The following CTNNA1 variants were observed in gnomAD, a reference collection of about 807,000 sequenced individuals.
CTNNA1 encodes catenin alpha-1.
Under a neutral mutation model 98.4 loss-of-function variants are expected in CTNNA1, and 37 were observed. That is an observed-to-expected ratio of 0.38 (90% CI 0.29 to 0.49). The LOEUF (loss-of-function observed/expected upper bound fraction) is 0.49, where lower values mean the gene tolerates loss of function less well. CTNNA1 is among the 20% of genes least tolerant of loss of function. The pLI, the probability that CTNNA1 is intolerant of heterozygous loss-of-function variation, is 0.95. For missense variants in CTNNA1, 761 were observed against 1,147.2 expected (o/e 0.66, Z 4.86); for synonymous variants, 404 against 413.2 (o/e 0.98, Z 0.27).
intron 13 of CTNNA1, 113 bp from the exon 14 acceptor site, chr5:138,929,133 C>A (rs773434799): frequency 2.3e-5 from 18 of 767,534 alleles, no homozygotes; most frequent in Non-Finnish European, 4.1e-5. Context: ...CAGAACACTG[C>A]ACATTAAAAT....
At chr5:138,805,618 G>A (rs1401653916) in intron 3 of CTNNA1, among the ~76,000 whole-genome samples, 1 of 151,546 alleles carries the variant, frequency 6.6e-6, no homozygotes, top group Non-Finnish European at 1.5e-5. Context: ...ATTTTTGTTT[G>A]TTTGTTTGTT....
chr5:138,835,933 C>T (rs544625289), intron 7 of CTNNA1, among the ~76,000 whole-genome samples: 6 of 152,212 alleles, frequency 3.9e-5, no homozygotes, highest in Admixed American at 1.3e-4. Context: ...GCAACCTCTG[C>T]GTCCCTGATT....
At chr5:138,907,799 C>T (rs1220020212) in intron 10 of CTNNA1, among the ~76,000 whole-genome samples, 1 of 152,106 alleles carries the variant, frequency 6.6e-6, no homozygotes, top group Admixed American at 6.5e-5. Context: ...AAGAGGTGCT[C>T]AGTGCTTCTA....
intron 1 of CTNNA1, among the ~76,000 whole-genome samples, chr5:138,775,656 T>G (rs902369827): frequency 6.6e-6 from 1 of 152,124 alleles, no homozygotes; most frequent in Non-Finnish European, 1.5e-5. Flanking sequence ...TCAACACAAT[T>G]TCAGTCCAGA....
intron 11 of CTNNA1, among the ~76,000 whole-genome samples, chr5:138,918,972 C>T (rs1473700857): frequency 6.6e-6 from 1 of 152,176 alleles, no homozygotes; most frequent in Non-Finnish European, 1.5e-5. Context: ...ATACCAATGC[C>T]TCCCTGTCTT....
chr5:138,824,436 A>G, intron 5 of CTNNA1, 94 bp from the exon 6 acceptor site: 3 of 1,348,354 alleles, frequency 2.2e-6, no homozygotes, highest in Non-Finnish European at 3.0e-6. Flanking sequence ...TAATTAATAG[A>G]AATTCTAACT....
chr5:138,758,018 T>G (rs918426786), intron 1 of CTNNA1, among the ~76,000 whole-genome samples: 4 of 152,004 alleles, frequency 2.6e-5, no homozygotes, highest in Non-Finnish European at 5.9e-5. Flanking sequence ...TATTTCTTTT[T>G]TTTTTGAGAT....
At chr5:138,927,859 G>T (rs1764469326) in intron 13 of CTNNA1, among the ~76,000 whole-genome samples, 1 of 152,116 alleles carries the variant, frequency 6.6e-6, no homozygotes, top group African/African-American at 2.4e-5. Flanking sequence ...CTGATTGATT[G>T]CATGCCAGTC....
At chr5:138,829,509 A>G (rs1761053286) in intron 7 of CTNNA1, among the ~76,000 whole-genome samples, 2 of 152,338 alleles carry the variant, frequency 1.3e-5, no homozygotes, top group Middle Eastern at 3.4e-3. Context: ...TAATCAGTCT[A>G]TAAGATATCC....
At chr5:138,878,836 G>A (rs1752231056) in intron 7 of CTNNA1, among the ~76,000 whole-genome samples, 2 of 152,116 alleles carry the variant, frequency 1.3e-5, no homozygotes, top group South Asian at 4.2e-4. Context: ...TGTATGCCCT[G>A]GCACCAAAGT....
intron 1 of CTNNA1, among the ~76,000 whole-genome samples, chr5:138,779,748 C>T (rs1754839618): frequency 6.7e-6 from 1 of 148,842 alleles, no homozygotes; most frequent in Non-Finnish European, 1.5e-5. Flanking sequence ...CAAGAGCTTG[C>T]TCTGTTGCCC....
At chr5:138,899,809 A>G (rs1010310097) in intron 9 of CTNNA1, among the ~76,000 whole-genome samples, 2 of 152,210 alleles carry the variant, frequency 1.3e-5, no homozygotes, top group African/African-American at 4.8e-5. Context: ...GCTCTGCATT[A>G]AAAATTGAAA....
At chr5:138,768,558 G>GTTTTTTTTTTTTTTTTTTTTTTTTT (rs36038829) in intron 1 of CTNNA1, among the ~76,000 whole-genome samples, 1 of 67,556 alleles carries the variant, frequency 1.5e-5, no homozygotes, top group African/African-American at 5.0e-5. Flanking sequence ...AACGGTGTCT[G>GTTTTTTTTTTTTTTTTTTTTTTTTT]TTTTTTTTTT....
At chr5:138,866,048 C>T (rs1003779750) in intron 7 of CTNNA1, among the ~76,000 whole-genome samples, 9 of 152,100 alleles carry the variant, frequency 5.9e-5, no homozygotes, top group African/African-American at 1.4e-4. Context: ...TGGTGGCGAA[C>T]GCCTGTAATC....
At chr5:138,916,366 A>G (rs1345842322) in intron 10 of CTNNA1, among the ~76,000 whole-genome samples, 1 of 151,882 alleles carries the variant, frequency 6.6e-6, no homozygotes, top group African/African-American at 2.4e-5. Context: ...TAGATAGGTG[A>G]ATTTTATCTC....
chr5:138,880,094 T>C (rs1752565180), intron 7 of CTNNA1: 1 of 152,218 alleles, frequency 6.6e-6, no homozygotes, highest in Non-Finnish European at 1.5e-5. Context: ...TGAACGTTTA[T>C]ACTATTAAGA....
chr5:138,824,476 G>T, intron 5 of CTNNA1, 54 bp from the exon 6 acceptor site: 1 of 1,572,336 alleles, frequency 6.4e-7, no homozygotes, highest in South Asian at 1.2e-5. Context: ...ATTTTTATAT[G>T]AGTAAAGCCC....
Position 138,925,312 on chromosome 5 carries a change from C to T in CTNNA1, c.1804C>T (p.Pro602Ser), listed in dbSNP as rs543603775. The T allele has an allele frequency of 2.5e-6, 4 of 1,614,102 alleles. No homozygotes were observed. The highest frequency in any genetic ancestry group is 1.7e-6 in the Non-Finnish European group (2 of 1,180,020). The change falls in exon 13 of 18, where the codon CCT (proline) becomes TCT (serine). Residue 602 changes from proline to serine, a missense_variant. Transcript: ENST00000302763. ...EAAVEALSSDPAQPMDENEFI... is the reference protein window; with the variant it reads ...EAAVEALSSDSAQPMDENEFI... Reference sequence around the variant, plus strand: ...AGCCGTGGAAGCCCTCAGCTCGGACCCTGCCCAGCCCATGGATGAGAATGA... The same window carrying T: ...AGCCGTGGAAGCCCTCAGCTCGGACTCTGCCCAGCCCATGGATGAGAATGA...
At chr5:138,785,350 C>T (rs966480249) in intron 3 of CTNNA1, among the ~76,000 whole-genome samples, 32 of 151,842 alleles carry the variant, frequency 2.1e-4, no homozygotes, top group African/African-American at 7.0e-4. Context: ...CGTGAGCCAT[C>T]GCGCCCGGCC....
Sources: gnomAD v4.1 joint callset for allele counts (sites outside exome capture counted in the v4.1 genomes callset) on GRCh38, gnomAD v4.1.1 for gene constraint, MANE v1.5 for transcripts, NCBI Gene and HGNC (gene_info 2026-07-23, HGNC 2026-07-21) for gene names.